The following SRGAP2 variants were observed in gnomAD, a reference collection of about 807,000 sequenced individuals.
SRGAP2 encodes the protein SLIT-ROBO Rho GTPase activating protein 2, also known as SLIT-ROBO Rho GTPase-activating protein 2.
A neutral mutation model predicts 57.2 loss-of-function variants in SRGAP2; 15 were observed. That is an observed-to-expected ratio of 0.26 (90% CI 0.18 to 0.40). The LOEUF (loss-of-function observed/expected upper bound fraction) is 0.40. SRGAP2 is among the 10% of genes least tolerant of loss of function. The pLI, the probability that SRGAP2 is intolerant of heterozygous loss-of-function variation, is 1.00. For missense variants in SRGAP2, 520 were observed against 669.6 expected, an observed-to-expected ratio of 0.78 and a Z score of 2.47; for synonymous variants, 249 against 248.0, an observed-to-expected ratio of 1.00 and a Z score of -0.04.
intron 13 of SRGAP2, among the ~76,000 whole-genome samples, chr1:206,429,632 C>G (rs1661114803): frequency 6.6e-6 from 1 of 152,252 alleles, no homozygotes; most frequent in African/African-American, 2.4e-5. Flanking sequence ...GGCAGTGGAA[C>G]TGGAGGCACA....
chr1:206,428,218 C>G (rs12073246), intron 13 of SRGAP2, among the ~76,000 whole-genome samples: 4 of 151,940 alleles, frequency 2.6e-5, no homozygotes, highest in African/African-American at 7.3e-5. Flanking sequence ...AGATCGAGAC[C>G]GTCCTGGCTA....
intron 2 of SRGAP2, chr1:206,206,292 T>G (rs1313361631): frequency 6.4e-6 from 3 of 468,068 alleles, no homozygotes; most frequent in Admixed American, 3.5e-5. Flanking sequence ...TGGCAGCCCT[T>G]TCCCCCCCAA....
At chr1:206,421,713 A>T (rs550317947) in intron 13 of SRGAP2, among the ~76,000 whole-genome samples, 1 of 152,190 alleles carries the variant, frequency 6.6e-6, no homozygotes, top group African/African-American at 2.4e-5. Flanking sequence ...GTCATTCTAG[A>T]TGGACTCCTA....
intron 2 of SRGAP2, among the ~76,000 whole-genome samples, chr1:206,277,928 A>G (rs1670512003): frequency 6.6e-6 from 1 of 151,942 alleles, no homozygotes; most frequent in Non-Finnish European, 1.5e-5. Context: ...GCAGTGAGCC[A>G]AGATCATGCC....
intron 5 of SRGAP2, among the ~76,000 whole-genome samples, chr1:206,389,231 G>A (rs6684742): frequency 0.053 from 6,751 of 126,434 alleles, 374 homozygotes; most frequent in African/African-American, 0.16. Flanking sequence ...CTGGAGTGCA[G>A]TGGCGTGATC....
Position 206,383,477 on chromosome 1 carries a change from G to A in SRGAP2, c.424-537G>A, listed in dbSNP as rs192182466. Among the ~76,000 whole-genome samples, 403 of 152,300 alleles carry A rather than the reference G, an allele frequency of 2.6e-3. 1 individual carries two copies. The Middle Eastern group carries it at 0.027, about 10-fold the overall frequency. ...CTAGTAACAGCTAATCTCACAGGCAGTCAATATTGAGATACCGCTGCCTTG... is the reference window on the plus strand; with the variant it reads ...CTAGTAACAGCTAATCTCACAGGCAATCAATATTGAGATACCGCTGCCTTG... On this transcript the variant is annotated intron_variant, in intron 4 of 22. Transcript: ENST00000573034.
intron 4 of SRGAP2, among the ~76,000 whole-genome samples, chr1:206,375,643 G>A (rs1449200550): frequency 6.6e-6 from 1 of 152,128 alleles, no homozygotes; most frequent in Non-Finnish European, 1.5e-5. Flanking sequence ...TTATAGGACT[G>A]TGTTTCAGAC....
chr1:206,363,701 A>G (rs576703357), intron 4 of SRGAP2, among the ~76,000 whole-genome samples: 24 of 151,994 alleles, frequency 1.6e-4, no homozygotes, highest in African/African-American at 5.3e-4. Flanking sequence ...ATGTTCCTCA[A>G]TTTTGGTTTG....
At chr1:206,393,483 T>G in intron 6 of SRGAP2, 62 bp from the exon 7 acceptor site, 1 of 725,266 alleles carries the variant, frequency 1.4e-6, no homozygotes, top group Admixed American at 2.1e-5. Context: ...ACTTTTATCT[T>G]TTAGAGAACA....
At chr1:206,448,649 C>T (rs140335152) in intron 18 of SRGAP2, among the ~76,000 whole-genome samples, 1 of 152,084 alleles carries the variant, frequency 6.6e-6, no homozygotes, top group African/African-American at 2.4e-5. Context: ...TTTTAACAAG[C>T]CTTCCATGGC....
intron 2 of SRGAP2, among the ~76,000 whole-genome samples, chr1:206,256,852 A>T (rs561920378): frequency 1.6e-4 from 24 of 152,276 alleles, no homozygotes; most frequent in African/African-American, 5.8e-4. Flanking sequence ...CCTTGCCTTT[A>T]AATTGGGTAC....
chr1:206,441,410 C>T (rs1398972811), intron 17 of SRGAP2, among the ~76,000 whole-genome samples: 19 of 152,116 alleles, frequency 1.2e-4, no homozygotes, highest in African/African-American at 4.6e-4. Flanking sequence ...CATTTCTTCT[C>T]GTCCAAGCAG....
intron 19 of SRGAP2, 43 bp downstream of exon 19, chr1:206,450,508 A>C (rs1453463711): frequency 1.3e-6 from 1 of 776,630 alleles, no homozygotes; most frequent in East Asian, 2.4e-5. Context: ...GCCAGGGGTG[A>C]GGCAGAAGGA....
At chr1:206,459,234 A>G (rs1664072678) in intron 22 of SRGAP2, among the ~76,000 whole-genome samples, 1 of 152,168 alleles carries the variant, frequency 6.6e-6, no homozygotes, top group Non-Finnish European at 1.5e-5. Context: ...CGGTATTAAG[A>G]GTATTTTGAA....
intron 19 of SRGAP2, among the ~76,000 whole-genome samples, chr1:206,450,699 A>G (rs373865639): frequency 1.1e-4 from 17 of 152,254 alleles, no homozygotes; most frequent in East Asian, 5.8e-4. Context: ...TAGCCCTTCA[A>G]CCTTCTTGCT....
chr1:206,211,061 A>C, intron 2 of SRGAP2, among the ~76,000 whole-genome samples: 1 of 151,934 alleles, frequency 6.6e-6, no homozygotes, highest in East Asian at 1.9e-4. Flanking sequence ...AAGAAGCAGT[A>C]GTTGGAAACA....
chr1:206,417,200 T>G (rs1659804385), intron 11 of SRGAP2, among the ~76,000 whole-genome samples: 1 of 150,094 alleles, frequency 6.7e-6, no homozygotes, highest in Admixed American at 6.7e-5. Context: ...ACCTCCTAGA[T>G]TAAAGGGATT....
chr1:206,266,976 T>C lies in SRGAP2; in HGVS notation c.68-36305T>C, dbSNP rs1465592962. Among the ~76,000 whole-genome samples, 8 of 118,298 alleles carry C rather than the reference T, an allele frequency of 6.8e-5. No homozygotes were observed. In the East Asian group the frequency reaches 2.4e-3, roughly 35 times the overall value. The allele number at this position is 118,298 out of a possible 152,430, so 77.6% of individuals were successfully genotyped here. A position where few individuals can be genotyped will look rare whatever the true frequency, so the allele number is the denominator to read the frequency against. ...TTCCAGCAAAACTTACTTTTTTTTT[T>C]TTTTTTTTTTGAGACGGAGTCTTGC... On this transcript the variant is annotated intron_variant, in intron 2 of 22. Transcript: ENST00000573034.
At chr1:206,340,305 G>A (rs1215717450) in intron 3 of SRGAP2, among the ~76,000 whole-genome samples, 1 of 138,052 alleles carries the variant, frequency 7.2e-6, no homozygotes, top group African/African-American at 3.0e-5. Flanking sequence ...GAGCTAGCTG[G>A]CCTTTTGTTT....
Sources: gnomAD v4.1 joint callset for allele counts (sites outside exome capture counted in the v4.1 genomes callset) on GRCh38, gnomAD v4.1.1 for gene constraint, MANE v1.5 for transcripts, NCBI Gene and HGNC (gene_info 2026-07-23, HGNC 2026-07-21) for gene names.